COL25A1: variants seen among roughly 807,000 people sequenced by gnomAD.
COL25A1 encodes the protein collagen type XXV alpha 1 chain.
COL25A1 carries 103 observed loss-of-function variants against 128.4 expected under a neutral mutation model. The ratio of observed to expected loss-of-function variants is 0.80; its 90% CI spans 0.68 to 0.94. The LOEUF (loss-of-function observed/expected upper bound fraction) is 0.94. Among genes scored for constraint, COL25A1 ranks in the 40% least tolerant of loss-of-function variants. The probability of loss-of-function intolerance (pLI) is 0.00; values close to 1 mark genes in which losing one functional copy is unlikely to be tolerated. For synonymous variants in COL25A1, 279 were observed against 277.2 expected (o/e 1.01, Z -0.06); for missense variants, 745 against 840.0 (o/e 0.89, Z 1.40).
chr4:109,196,300 T>C (rs1233628270), intron 3 of COL25A1, among the ~76,000 whole-genome samples: 1 of 152,162 alleles, frequency 6.6e-6, no homozygotes, highest in African/African-American at 2.4e-5. Context: ...CATTTAAAGT[T>C]TGGTATCTAA....
intron 8 of COL25A1, among the ~76,000 whole-genome samples, chr4:108,959,877 T>C (rs1365643126): frequency 6.6e-6 from 1 of 152,280 alleles, no homozygotes; most frequent in East Asian, 1.9e-4. Context: ...ATTAGCTTTC[T>C]GAACAAATCC....
intron 6 of COL25A1, among the ~76,000 whole-genome samples, chr4:108,996,774 GTC>G (rs1560995192): frequency 6.6e-6 from 1 of 152,166 alleles, no homozygotes; most frequent in Non-Finnish European, 1.5e-5. Context: ...ACAACAAGCT[GTC>G]TCTCAGACCA....
At chr4:109,295,310 A>G (rs1724868741) in intron 3 of COL25A1, among the ~76,000 whole-genome samples, 1 of 151,982 alleles carries the variant, frequency 6.6e-6, no homozygotes, top group South Asian at 2.1e-4. Flanking sequence ...TGGACCAACT[A>G]AAAGTGTTAG....
In COL25A1 at chr4:108,810,352, T is replaced by C. The variant is rs1730696543; in HGVS notation, c.*3575A>G. 1 of 151,980 alleles carries C rather than the reference T, an allele frequency of 6.6e-6. No individual in the cohort carries two copies. The highest frequency in any genetic ancestry group is 1.5e-5 in the Non-Finnish European group (1 of 67,848). 9.4% of individuals were successfully genotyped at this position (151,980 alleles called of 1,614,324 possible). On this transcript the variant is annotated 3_prime_UTR_variant, in exon 38 of 38. Coordinates refer to ENST00000399132, the MANE Select transcript of COL25A1 (RefSeq NM_198721.4). The stretch of plus-strand genomic sequence containing the variant: ...ATAGTTAGACAAAGGACATGTAGTA[T>C]AAACTAGTTGATGTGTAAGTTCTTG...
rs79393872 is a variant in COL25A1 at position 109,208,907 on chromosome 4, C to T, written c.367+91676G>A. On this transcript the variant is annotated intron_variant, in intron 3 of 37. Coordinates refer to ENST00000399132, the MANE Select transcript of COL25A1 (RefSeq NM_198721.4). Reference sequence around the variant, plus strand: ...AACATAAACCAGACTGTTTCTTACACTTATCTACCTCCTGCTTTTAGCACT... The same window carrying T: ...AACATAAACCAGACTGTTTCTTACATTTATCTACCTCCTGCTTTTAGCACT... 0.012 allele frequency among the ~76,000 whole-genome samples: 1,758 copies of T among 152,302 alleles called. 60 individuals carry two copies. The South Asian group carries it at 0.14, about 12-fold the overall frequency.
At position 108,959,800 on chromosome 4, in the gene COL25A1, C is replaced by T. The variant is rs533252613; in HGVS notation, c.492+14567G>A. On this transcript the variant is annotated intron_variant, in intron 8 of 37. Transcript: ENST00000399132. Reference sequence around the variant, plus strand: ...TACTGGTGACATAGCAAGCTTTCTCCAATTCAATTTTGTTTGACTTTTCTG... The same window carrying T: ...TACTGGTGACATAGCAAGCTTTCTCTAATTCAATTTTGTTTGACTTTTCTG... Among the ~76,000 whole-genome samples the T allele has an allele frequency of 1.1e-4, 17 of 152,192 alleles. No individual in the cohort carries two copies. The South Asian group carries it at 3.5e-3, about 32-fold the overall frequency.
intron 3 of COL25A1, among the ~76,000 whole-genome samples, chr4:109,269,095 A>T (rs1578596930): frequency 1.3e-5 from 1 of 77,948 alleles, no homozygotes; most frequent in Non-Finnish European, 2.4e-5. Context: ...CCCCCACCCC[A>T]CAACAGTCCC....
intron 8 of COL25A1, among the ~76,000 whole-genome samples, chr4:108,965,011 A>C (rs750514814): frequency 3.3e-5 from 5 of 152,252 alleles, no homozygotes; most frequent in Non-Finnish European, 7.3e-5. Flanking sequence ...GGGTTAAACA[A>C]ATAAGGACAT....
intron 6 of COL25A1, among the ~76,000 whole-genome samples, chr4:108,980,119 G>A (rs1752826453): frequency 1.3e-5 from 2 of 152,240 alleles, no homozygotes; most frequent in African/African-American, 4.8e-5. Context: ...ACACTCAGGC[G>A]TTTGAGCTGG....
chr4:108,947,221 A>G (rs1167812153), intron 8 of COL25A1, among the ~76,000 whole-genome samples: 2 of 152,086 alleles, frequency 1.3e-5, no homozygotes, highest in Non-Finnish European at 2.9e-5. Flanking sequence ...AGGCGGGCAG[A>G]TCACAAGGTC....
Position 109,302,169 on chromosome 4 carries a change from C to G in COL25A1, c.-57G>C, listed in dbSNP as rs927503572. On this transcript the variant is annotated splice_region_variant and 5_prime_UTR_variant, in exon 1 of 38. Coordinates refer to ENST00000399132, the MANE Select transcript of COL25A1 (RefSeq NM_198721.4). ...GTCAAGCCCACGAGCGGATACGGAC[C>G]CCTGCCTTGCTCAGCGTCCAGACCC... 1 of 974,484 alleles carries G rather than the reference C, an allele frequency of 1.0e-6. No homozygotes were observed. Among genetic ancestry groups the G allele is most frequent in the African/African-American group, 1.7e-5 (1 of 60,592 alleles). 60.4% of individuals were successfully genotyped at this position (974,484 alleles called of 1,614,324 possible).
intron 6 of COL25A1, among the ~76,000 whole-genome samples, chr4:109,000,112 T>C (rs1039546968): frequency 6.6e-6 from 1 of 150,864 alleles, no homozygotes; most frequent in East Asian, 2.0e-4. Flanking sequence ...ACTTAAAGTA[T>C]AACAATAAAA....
chr4:109,241,519 T>C (rs1056947614), intron 3 of COL25A1, among the ~76,000 whole-genome samples: 2 of 151,794 alleles, frequency 1.3e-5, no homozygotes, highest in Non-Finnish European at 2.9e-5. Context: ...GTTTTCTAGA[T>C]GGTTTCTGAA....
At chr4:109,103,807 A>G (rs72617752) in intron 3 of COL25A1, among the ~76,000 whole-genome samples, 35,476 of 152,062 alleles carry the variant, frequency 0.23, 5,385 homozygotes, top group African/African-American at 0.41. Context: ...GATCACTAAT[A>G]AGGTTAATAA....
chr4:109,263,130 AAACAAC>A (rs5860976), intron 3 of COL25A1, among the ~76,000 whole-genome samples: 2 of 151,184 alleles, frequency 1.3e-5, no homozygotes, highest in East Asian at 1.9e-4. Context: ...CTCTGTCTCA[AAACAAC>A]AACAACAACA....
At chr4:109,023,065 C>A (rs1272377385) in intron 5 of COL25A1, among the ~76,000 whole-genome samples, 3 of 152,146 alleles carry the variant, frequency 2.0e-5, no homozygotes, top group African/African-American at 7.2e-5. Context: ...CTGTTTTATT[C>A]CACAGCAAGA....
At chr4:108,952,885 T>G (rs900297343) in intron 8 of COL25A1, among the ~76,000 whole-genome samples, 1 of 122,910 alleles carries the variant, frequency 8.1e-6, no homozygotes, top group African/African-American at 3.0e-5. Flanking sequence ...AGAGAAAGCA[T>G]AAGTGTCCTG....
At chr4:108,871,655 T>C (rs1011522489) in intron 19 of COL25A1, among the ~76,000 whole-genome samples, 3 of 152,166 alleles carry the variant, frequency 2.0e-5, no homozygotes, top group Admixed American at 1.3e-4. Context: ...TGATACATTA[T>C]ACCTGATTAT....
intron 16 of COL25A1, 27 bp downstream of exon 16, chr4:108,896,640 A>G: frequency 6.2e-7 from 1 of 1,606,658 alleles, no homozygotes; most frequent in Non-Finnish European, 8.5e-7. Context: ...TCACATATGT[A>G]CCCTTTCATG....
Sources: allele counts gnomAD v4.1 joint callset (sites outside exome capture counted in the v4.1 genomes callset), GRCh38; gene constraint gnomAD v4.1.1; transcripts MANE v1.5; gene names NCBI Gene and HGNC (gene_info 2026-07-23, HGNC 2026-07-21).